Variants in FAM133B observed in about 807,000 individuals in gnomAD.
FAM133B encodes family with sequence similarity 133 member B.
FAM133B carries 25 observed loss-of-function variants against 46.4 expected under a neutral mutation model. The ratio of observed to expected loss-of-function variants is 0.54; its 90% CI spans 0.39 to 0.75. FAM133B has a LOEUF of 0.75. Among genes scored for constraint, FAM133B ranks in the 30% least tolerant of loss-of-function variants. FAM133B has a pLI of 0.00. For missense variants in FAM133B, 205 were observed against 277.6 expected (o/e 0.74, Z 1.86); for synonymous variants, 75 against 86.0 (o/e 0.87, Z 0.71).
intron 7 of FAM133B, 71 bp from the exon 8 acceptor site, chr7:92,575,892 C>T (rs1176740260): frequency 3.1e-6 from 2 of 636,636 alleles, no homozygotes; most frequent in Non-Finnish European, 5.3e-6. Flanking sequence ...GACAAAAACA[C>T]CCAAAAAGTG....
intron 8 of FAM133B, 63 bp downstream of exon 8, chr7:92,575,708 T>C: frequency 2.6e-6 from 2 of 778,094 alleles, no homozygotes; most frequent in South Asian, 3.8e-5. Flanking sequence ...CACATTATTG[T>C]TATTTAAGTC....
At chr7:92,586,320 T>C (rs1440229353) in intron 1 of FAM133B, among the ~76,000 whole-genome samples, 1 of 152,228 alleles carries the variant, frequency 6.6e-6, no homozygotes. Context: ...TGCAAAACAC[T>C]TGATAGTCTG....
At chr7:92,572,150 T>C (rs1794551373) in intron 8 of FAM133B, among the ~76,000 whole-genome samples, 1 of 152,120 alleles carries the variant, frequency 6.6e-6, no homozygotes, top group Non-Finnish European at 1.5e-5. Context: ...GTTGTTTCTT[T>C]CCAACAGAAA....
intron 1 of FAM133B, 132 bp from the exon 2 acceptor site, chr7:92,581,735 T>C: frequency 1.5e-6 from 1 of 659,460 alleles, no homozygotes; most frequent in Admixed American, 2.9e-5. Context: ...ACTAACCAAC[T>C]CTTTATTCTA....
At chr7:92,585,899 CAG>C (rs2116425102) in intron 1 of FAM133B, among the ~76,000 whole-genome samples, 1 of 152,298 alleles carries the variant, frequency 6.6e-6, no homozygotes, top group African/African-American at 2.4e-5. Flanking sequence ...CACTCCAACT[CAG>C]AGAGCTGAAC....
Position 92,562,548 on chromosome 7 carries a change from GT to G in FAM133B, c.658-181del, listed in dbSNP as rs1305840391. On this transcript the variant is annotated intron_variant, in intron 10 of 10. Coordinates refer to ENST00000445716, the MANE Select transcript of FAM133B (RefSeq NM_152789.4). ...TCATATGAGGACTAAAACAGTTCTTGTCGATTTTCAAAAAGATAGGGAGAAA... is the reference window on the plus strand; with the variant it reads ...TCATATGAGGACTAAAACAGTTCTTGCGATTTTCAAAAAGATAGGGAGAAA... Among the ~76,000 whole-genome samples the G allele has an allele frequency of 3.9e-5, 6 of 152,244 alleles. No homozygotes were observed. In the East Asian group the frequency reaches 1.2e-3, roughly 29 times the overall value.
At chr7:92,589,605 G>C (rs925893717) in intron 1 of FAM133B, among the ~76,000 whole-genome samples, 2 of 152,082 alleles carry the variant, frequency 1.3e-5, no homozygotes, top group South Asian at 2.1e-4. Flanking sequence ...ACTTCCGACG[G>C]AACAAAACTG....
chr7:92,567,936 G>A (rs1794412099), intron 9 of FAM133B, among the ~76,000 whole-genome samples: 1 of 151,666 alleles, frequency 6.6e-6, no homozygotes, highest in Non-Finnish European at 1.5e-5. Flanking sequence ...GCTAATTTTT[G>A]TATTTTTAGT....
At chr7:92,571,506 A>C (rs1794529503) in intron 8 of FAM133B, among the ~76,000 whole-genome samples, 1 of 152,142 alleles carries the variant, frequency 6.6e-6, no homozygotes, top group African/African-American at 2.4e-5. Flanking sequence ...ATATGGTCAA[A>C]AGTTTGAGTT....
rs1562894600 is a variant in FAM133B at position 92,577,735 on chromosome 7, C to T, written c.310-18G>A. The T allele has an allele frequency of 6.4e-7, 1 of 1,556,038 alleles. No homozygotes were observed. Among genetic ancestry groups the T allele is most frequent in the African/African-American group, 1.4e-5 (1 of 73,400 alleles). Reference sequence around the variant, plus strand: ...GATGAATACTTGACCAAGCACAAAACAATTAAAGCTTGTGAGATGCGAGAA... The same window carrying T: ...GATGAATACTTGACCAAGCACAAAATAATTAAAGCTTGTGAGATGCGAGAA... On this transcript the variant is annotated intron_variant, in intron 5 of 10. Coordinates refer to ENST00000445716, the MANE Select transcript of FAM133B (RefSeq NM_152789.4).
At chr7:92,571,185 A>T (rs1195803702) in intron 8 of FAM133B, among the ~76,000 whole-genome samples, 3 of 152,192 alleles carry the variant, frequency 2.0e-5, no homozygotes, top group Non-Finnish European at 2.9e-5. Flanking sequence ...CACACAAATG[A>T]TCATCTTTTT....
At chr7:92,578,121 G>A (rs927990047) in intron 5 of FAM133B, 29 bp downstream of exon 5, 5 of 1,589,402 alleles carry the variant, frequency 3.1e-6, no homozygotes, top group East Asian at 4.5e-5. Context: ...TAATTGTAAC[G>A]TTTAGAAAAA....
intron 9 of FAM133B, among the ~76,000 whole-genome samples, chr7:92,566,267 C>T (rs1391992474): frequency 1.3e-5 from 2 of 152,118 alleles, no homozygotes; most frequent in Non-Finnish European, 2.9e-5. Context: ...GACGTAAAAT[C>T]TCTAGACAGC....
intron 8 of FAM133B, among the ~76,000 whole-genome samples, chr7:92,573,581 A>C (rs928890639): frequency 1.5e-4 from 23 of 151,868 alleles, no homozygotes; most frequent in African/African-American, 5.3e-4. Context: ...CTCTGTATCT[A>C]ATATTTTAAG....
intron 1 of FAM133B, 135 bp from the exon 2 acceptor site, chr7:92,581,738 T>C: frequency 1.5e-6 from 1 of 646,666 alleles, no homozygotes; most frequent in Non-Finnish European, 2.6e-6. Flanking sequence ...AACCAACTCT[T>C]TATTCTAAAA....
chr7:92,568,524 ATTTTTTTTTTTTTT>A (rs745580425), intron 9 of FAM133B, among the ~76,000 whole-genome samples: 1 of 118,226 alleles, frequency 8.5e-6, no homozygotes, highest in African/African-American at 3.3e-5. Flanking sequence ...CGCCTGGCTA[ATTTTTTTTTTTTTT>A]TTTTTTTTTA....
chr7:92,588,391 T>C (rs1394843347), intron 1 of FAM133B, among the ~76,000 whole-genome samples: 2 of 152,196 alleles, frequency 1.3e-5, no homozygotes, highest in Non-Finnish European at 2.9e-5. Flanking sequence ...CCAAGGGTAT[T>C]AGAAGAGCCC....
intron 8 of FAM133B, among the ~76,000 whole-genome samples, chr7:92,572,897 C>A (rs752260350): frequency 6.6e-6 from 1 of 151,914 alleles, no homozygotes; most frequent in Non-Finnish European, 1.5e-5. Flanking sequence ...AAGAAACAAA[C>A]TTGAAAGTAT....
intron 10 of FAM133B, chr7:92,565,774 T>C (rs1794329494): frequency 3.8e-6 from 2 of 525,468 alleles, no homozygotes; most frequent in African/African-American, 1.9e-5. Flanking sequence ...TGAGCTTATA[T>C]TTCTAACAGT....
Sources: gnomAD v4.1 joint callset for allele counts (sites outside exome capture counted in the v4.1 genomes callset) on GRCh38, gnomAD v4.1.1 for gene constraint, MANE v1.5 for transcripts, NCBI Gene and HGNC (gene_info 2026-07-23, HGNC 2026-07-21) for gene names.